Variants in SRD5A1 observed in about 807,000 individuals in gnomAD.
SRD5A1 encodes the protein steroid 5 alpha-reductase 1.
Under a neutral mutation model 28.2 loss-of-function variants are expected in SRD5A1, and 22 were observed. That is an observed-to-expected ratio of 0.78 (90% CI 0.56 to 1.12). The LOEUF is 1.12. Ranked by LOEUF, SRD5A1 falls within the 50% of genes most tolerant of loss-of-function variation. The pLI is 0.00. For synonymous variants in SRD5A1, 151 were observed against 135.0 expected, an observed-to-expected ratio of 1.12 and a Z score of -0.82; for missense variants, 300 against 346.7, an observed-to-expected ratio of 0.87 and a Z score of 1.07.
chr5:6,649,426 T>C (rs1738601579), intron 1 of SRD5A1, among the ~76,000 whole-genome samples: 1 of 152,148 alleles, frequency 6.6e-6, no homozygotes, highest in Admixed American at 6.5e-5. Flanking sequence ...AACCGTCTAC[T>C]TAAGCCTCAG....
chr5:6,663,820 A>C (rs1034670190), intron 4 of SRD5A1, among the ~76,000 whole-genome samples: 3 of 152,082 alleles, frequency 2.0e-5, no homozygotes, highest in Non-Finnish European at 2.9e-5. Flanking sequence ...ATATCGCACC[A>C]CTGCACTCCA....
chr5:6,642,710 C>T (rs1738400958), intron 1 of SRD5A1, among the ~76,000 whole-genome samples: 1 of 152,226 alleles, frequency 6.6e-6, no homozygotes. Context: ...GTAAAAGCTA[C>T]TTAAGCCCTT....
In SRD5A1 at chr5:6,674,365, A is replaced by T. The variant is rs1027599070; in HGVS notation, c.*6097A>T. ...CTGCTCTAAAAAATTAAATCTATTAAAAAAAAAACTGAGTGGAAAAAGAGC... is the reference window on the plus strand; with the variant it reads ...CTGCTCTAAAAAATTAAATCTATTATAAAAAAAACTGAGTGGAAAAAGAGC... On this transcript the variant is annotated 3_prime_UTR_variant, in exon 5 of 5. Coordinates refer to ENST00000274192, the MANE Select transcript of SRD5A1 (RefSeq NM_001047.4). 5 of 150,318 alleles carry T rather than the reference A, an allele frequency of 3.3e-5. No homozygotes were observed. Among genetic ancestry groups the T allele is most frequent in the Non-Finnish European group, 7.5e-5 (5 of 67,082 alleles). 9.3% of individuals were successfully genotyped at this position (150,318 alleles called of 1,614,324 possible).
intron 3 of SRD5A1, among the ~76,000 whole-genome samples, chr5:6,661,017 T>C (rs757228327): frequency 2.0e-5 from 3 of 152,204 alleles, no homozygotes; most frequent in Non-Finnish European, 4.4e-5. Context: ...CACCTCCCAC[T>C]GGGTCCCTTC....
chr5:6,648,493 C>G, intron 1 of SRD5A1, among the ~76,000 whole-genome samples: 1 of 152,204 alleles, frequency 6.6e-6, no homozygotes, highest in Non-Finnish European at 1.5e-5. Context: ...TAAGTCTTCT[C>G]GCTTTATTTC....
rs537838131 is a variant in SRD5A1, at chr5:6,649,864, G to A, written c.294-1978G>A. On this transcript the variant is annotated intron_variant, in intron 1 of 4. Transcript: ENST00000274192. ...CGATCTCGCTGGGAGCTGCAAGACC[G>A]GAGCTGTTCCTATTCAGCCATCTTG... Among the ~76,000 whole-genome samples, 16 of 139,054 alleles carry A rather than the reference G, an allele frequency of 1.2e-4. No individual in the cohort carries two copies. In the South Asian group the frequency reaches 1.9e-3, roughly 16 times the overall value. The allele number at this position is 139,054 out of a possible 152,430, so 91.2% of individuals were successfully genotyped here.
intron 2 of SRD5A1, 87 bp from the exon 3 acceptor site, chr5:6,655,991 G>T (rs1348467667): frequency 1.1e-6 from 1 of 918,624 alleles, no homozygotes; most frequent in Non-Finnish European, 1.8e-6. Context: ...CTGAAGGGTT[G>T]CAATAATACT....
rs370956717 is a variant in SRD5A1, at chr5:6,662,106, TCTC to T, written c.563-707_563-705del. On this transcript the variant is annotated intron_variant, in intron 3 of 4. Transcript: ENST00000274192. ...GCCTCAGGGCCTTTGCTGCATCTCT[TCTC>T]CTGCCTGGAGCACTCCTGAGAGCAC... is the stretch of plus-strand genomic sequence containing the variant. Among the ~76,000 whole-genome samples the T allele has an allele frequency of 1.4e-3, 219 of 152,156 alleles. 1 individual carries two copies. The highest frequency in any genetic ancestry group is 5.0e-3 in the African/African-American group (209 of 41,508).
chr5:6,645,019 C>G (rs1738467905), intron 1 of SRD5A1: 3 of 455,750 alleles, frequency 6.6e-6, no homozygotes, highest in Non-Finnish European at 1.3e-5. Context: ...ACTTACTGGC[C>G]AACACGTGCT....
At chr5:6,647,168 C>G (rs979425924) in intron 1 of SRD5A1, among the ~76,000 whole-genome samples, 8 of 152,156 alleles carry the variant, frequency 5.3e-5, no homozygotes, top group Non-Finnish European at 1.0e-4. Flanking sequence ...CATTCTTTTG[C>G]ATTTGTTGAG....
intron 1 of SRD5A1, among the ~76,000 whole-genome samples, chr5:6,647,614 T>C (rs558659851): frequency 6.6e-5 from 10 of 152,362 alleles, no homozygotes; most frequent in African/African-American, 2.4e-4. Context: ...GCTTTCCATT[T>C]GCTTGGTAAA....
chr5:6,658,546 A>G (rs1738900340), intron 3 of SRD5A1, among the ~76,000 whole-genome samples: 3 of 152,202 alleles, frequency 2.0e-5, no homozygotes, highest in South Asian at 4.1e-4. Flanking sequence ...CATCTCTGTG[A>G]ACAGACAGGC....
chr5:6,655,942 TA>T, intron 2 of SRD5A1, 135 bp from the exon 3 acceptor site: 1 of 654,956 alleles, frequency 1.5e-6, no homozygotes. Context: ...TGGTTTTTAC[TA>T]CCAGTTATGG....
At chr5:6,637,346 T>C (rs1738215709) in intron 1 of SRD5A1, among the ~76,000 whole-genome samples, 1 of 151,074 alleles carries the variant, frequency 6.6e-6, no homozygotes, top group African/African-American at 2.5e-5. Context: ...GTAACCCAGG[T>C]CCTCATCATC....
intron 1 of SRD5A1, among the ~76,000 whole-genome samples, chr5:6,636,135 C>A (rs1283890948): frequency 6.6e-6 from 1 of 151,470 alleles, no homozygotes; most frequent in South Asian, 2.1e-4. Context: ...GGTTTGGGGA[C>A]ATTTACATTT....
At chr5:6,656,452 C>T (rs569031164) in intron 3 of SRD5A1, among the ~76,000 whole-genome samples, 6 of 152,298 alleles carry the variant, frequency 3.9e-5, no homozygotes, top group South Asian at 2.1e-4. Context: ...TTATGATTGA[C>T]GAGGAGTGTC....
chr5:6,665,324 T>C (rs968358197), intron 4 of SRD5A1, among the ~76,000 whole-genome samples: 2 of 152,214 alleles, frequency 1.3e-5, no homozygotes, highest in East Asian at 1.9e-4. Flanking sequence ...GTGGCCGTTA[T>C]TATAAGCCAC....
intron 1 of SRD5A1, among the ~76,000 whole-genome samples, chr5:6,636,693 G>T (rs946253370): frequency 6.6e-6 from 1 of 152,186 alleles, no homozygotes; most frequent in Non-Finnish European, 1.5e-5. Flanking sequence ...AGGGAGGAAA[G>T]GTGAAGGAAG....
intron 4 of SRD5A1, among the ~76,000 whole-genome samples, chr5:6,667,659 T>TCA (rs1739226829): frequency 6.6e-6 from 1 of 152,242 alleles, no homozygotes; most frequent in Non-Finnish European, 1.5e-5. Flanking sequence ...ATAATGTTTG[T>TCA]TTCGAGCACA....
Sources: allele counts gnomAD v4.1 joint callset (sites outside exome capture counted in the v4.1 genomes callset), GRCh38; gene constraint gnomAD v4.1.1; transcripts MANE v1.5; gene names NCBI Gene and HGNC (gene_info 2026-07-23, HGNC 2026-07-21).